The following PPP1R1C variants were observed in gnomAD, a reference collection of about 807,000 sequenced individuals.
PPP1R1C encodes protein phosphatase 1 regulatory inhibitor subunit 1C, also known as protein phosphatase 1 regulatory subunit 1C.
In PPP1R1C, 15 loss-of-function variants were observed where a neutral mutation model predicts 17.4. That is an observed-to-expected ratio of 0.86 (90% CI 0.58 to 1.33). The LOEUF (loss-of-function observed/expected upper bound fraction) is 1.33, where lower values mean the gene tolerates loss of function less well. PPP1R1C is among the 40% of genes most tolerant of loss of function. The pLI, the probability that PPP1R1C is intolerant of heterozygous loss-of-function variation, is 0.00. For synonymous variants in PPP1R1C, 35 were observed against 43.1 expected (o/e 0.81, Z 0.73); for missense variants, 143 against 130.0 (o/e 1.10, Z -0.48).
rs1327310329 is a variant in PPP1R1C, at chr2:182,117,307, C to T, written c.*12C>T. On this transcript the variant is annotated 3_prime_UTR_variant, in exon 5 of 5. Coordinates refer to ENST00000682840, the MANE Select transcript of PPP1R1C (RefSeq NM_001080545.3). ...AGCGGGACCATTAATTACTGGTCTG[C>T]AGCAAGAAGGCTTCTTGGAAATAAC... 2 of 1,521,856 alleles carry T rather than the reference C, an allele frequency of 1.3e-6. No individual in the cohort carries two copies. Among genetic ancestry groups the T allele is most frequent in the Non-Finnish European group, 1.8e-6 (2 of 1,125,952 alleles). 94.3% of individuals were successfully genotyped at this position (1,521,856 alleles called of 1,614,324 possible). A position where few individuals can be genotyped will look rare whatever the true frequency, so the allele number is the denominator to read the frequency against.
chr2:182,100,307 T>C (rs1332981991), intron 4 of PPP1R1C, among the ~76,000 whole-genome samples: 3 of 151,790 alleles, frequency 2.0e-5, no homozygotes, highest in African/African-American at 7.3e-5. Flanking sequence ...GTCAAGAGAT[T>C]GAGACCATCC....
intron 4 of PPP1R1C, among the ~76,000 whole-genome samples, chr2:182,107,441 G>T (rs1462919372): frequency 2.6e-5 from 4 of 152,162 alleles, no homozygotes; most frequent in African/African-American, 7.2e-5. Flanking sequence ...TCCTGGAGAT[G>T]TCATGGATAT....
At chr2:181,955,557 A>C (rs1249412339) in intron 1 of PPP1R1C, among the ~76,000 whole-genome samples, 1 of 152,190 alleles carries the variant, frequency 6.6e-6, no homozygotes, top group Non-Finnish European at 1.5e-5. Flanking sequence ...TCTATTTTAG[A>C]GTGTTTTCTA....
intron 4 of PPP1R1C, among the ~76,000 whole-genome samples, chr2:182,093,691 A>G (rs987422478): frequency 4.6e-5 from 7 of 152,160 alleles, no homozygotes; most frequent in African/African-American, 1.7e-4. Flanking sequence ...AAGTTCCACA[A>G]ATCTTTGGCA....
At chr2:182,077,042 T>C (rs1688334254) in intron 4 of PPP1R1C, among the ~76,000 whole-genome samples, 1 of 152,234 alleles carries the variant, frequency 6.6e-6, no homozygotes, top group Non-Finnish European at 1.5e-5. Context: ...TACTTGGGCA[T>C]ACAAATGTGT....
At chr2:182,113,785 G>C (rs1355814214) in intron 4 of PPP1R1C, among the ~76,000 whole-genome samples, 1 of 151,498 alleles carries the variant, frequency 6.6e-6, no homozygotes, top group Non-Finnish European at 1.5e-5. Flanking sequence ...TGCCATTCAT[G>C]TCATCTTTTC....
In PPP1R1C at chr2:181,985,974, G is replaced by C. The variant is rs947258835; in HGVS notation, c.-137G>C. 2.8e-6 allele frequency: 2 copies of C among 702,718 alleles called. No homozygotes were observed. Among genetic ancestry groups the C allele is most frequent in the Non-Finnish European group, 5.0e-6 (2 of 398,084 alleles). 43.5% of individuals were successfully genotyped at this position (702,718 alleles called of 1,614,324 possible). A position where few individuals can be genotyped will look rare whatever the true frequency, so the allele number is the denominator to read the frequency against. On this transcript the variant is annotated 5_prime_UTR_variant, in exon 1 of 5. Coordinates refer to ENST00000682840, the MANE Select transcript of PPP1R1C (RefSeq NM_001080545.3). This position sits in a 1 kb window ranked among gnomAD's most constrained non-coding sequence, Gnocchi z 4.1. Reference sequence around the variant, plus strand: ...CAAACCTCGGCATCTTCACTTGCTCGATCTGGAATTACAGCTATTTATTAC... The same window carrying C: ...CAAACCTCGGCATCTTCACTTGCTCCATCTGGAATTACAGCTATTTATTAC...
intron 4 of PPP1R1C, among the ~76,000 whole-genome samples, chr2:182,098,805 T>C (rs1689017965): frequency 6.6e-6 from 1 of 152,178 alleles, no homozygotes; most frequent in Non-Finnish European, 1.5e-5. Context: ...AAGTAAGCCC[T>C]ACAAATAGAA....
Position 181,967,278 on chromosome 2 carries a change from G to T in PPP1R1C, n.112-7941G>T, listed in dbSNP as rs1014111863. On this transcript the variant is annotated intron_variant and non_coding_transcript_variant, in intron 1 of 5. Coordinates refer to the PPP1R1C transcript ENST00000464264. The surrounding 1 kb of genome is among the most constrained non-coding windows in gnomAD (Gnocchi z 5.5). ...TCCCTTTATTAATCTCATATTTTTT[G>T]GTTTCAATTTCATTTATTTCTGCTC... Among the ~76,000 whole-genome samples, 1 of 151,332 alleles carries T rather than the reference G, an allele frequency of 6.6e-6. No homozygotes were observed. Among genetic ancestry groups the T allele is most frequent in the African/African-American group, 2.4e-5 (1 of 41,208 alleles).
At chr2:181,994,661 G>C (rs1685564931) in intron 2 of PPP1R1C, among the ~76,000 whole-genome samples, 1 of 152,098 alleles carries the variant, frequency 6.6e-6, no homozygotes, top group Non-Finnish European at 1.5e-5. Flanking sequence ...TCTTAAAGCT[G>C]TTTATTGGTT....
At chr2:182,033,355 C>T (rs527284072) in intron 2 of PPP1R1C, among the ~76,000 whole-genome samples, 1 of 152,302 alleles carries the variant, frequency 6.6e-6, no homozygotes, top group Admixed American at 6.5e-5. Context: ...AAATCAGTGT[C>T]TTGAGCCAAA....
At chr2:182,081,713 C>G (rs527562264) in intron 4 of PPP1R1C, among the ~76,000 whole-genome samples, 1 of 152,194 alleles carries the variant, frequency 6.6e-6, no homozygotes, top group South Asian at 2.1e-4. Context: ...ATAATAAAAA[C>G]TCCTGCACTT....
intron 2 of PPP1R1C, among the ~76,000 whole-genome samples, chr2:182,012,648 G>A (rs563898827): frequency 2.2e-4 from 33 of 152,016 alleles, no homozygotes; most frequent in Non-Finnish European, 3.8e-4. Context: ...TGGCCATTTC[G>A]TTATTTGTTT....
chr2:182,018,216 C>A (rs1686315680), intron 2 of PPP1R1C, among the ~76,000 whole-genome samples: 1 of 152,108 alleles, frequency 6.6e-6, no homozygotes, highest in Non-Finnish European at 1.5e-5. Flanking sequence ...ATTCCTAAGT[C>A]TAGTTTCTAT....
At chr2:182,028,597 T>C (rs1273714230) in intron 2 of PPP1R1C, among the ~76,000 whole-genome samples, 2 of 152,170 alleles carry the variant, frequency 1.3e-5, no homozygotes, top group Admixed American at 6.5e-5. Flanking sequence ...TAATCTCTGT[T>C]CTTTTACATT....
chr2:182,103,149 G>A (rs1689148230), intron 4 of PPP1R1C, among the ~76,000 whole-genome samples: 1 of 152,182 alleles, frequency 6.6e-6, no homozygotes, highest in East Asian at 1.9e-4. Flanking sequence ...AAAAGTTGGG[G>A]GGAGGTTCTG....
rs184676460 is a variant in PPP1R1C at position 182,009,552 on chromosome 2, A to G, written c.142+21653A>G. Among the ~76,000 whole-genome samples, 7 of 152,088 alleles carry G rather than the reference A, an allele frequency of 4.6e-5. No homozygotes were observed. The East Asian group carries it at 1.4e-3, about 30-fold the overall frequency. On this transcript the variant is annotated intron_variant, in intron 2 of 4. Coordinates refer to ENST00000682840, the MANE Select transcript of PPP1R1C (RefSeq NM_001080545.3). Reference sequence around the variant, plus strand: ...TCCCTTTGTCATATGAGTAGTTTTGAATATTTTCTCCCATTCGGTGGGGGT... The same window carrying G: ...TCCCTTTGTCATATGAGTAGTTTTGGATATTTTCTCCCATTCGGTGGGGGT...
upstream of PPP1R1C, among the ~76,000 whole-genome samples, chr2:181,982,019 G>A (rs538526518): frequency 3.9e-5 from 6 of 152,116 alleles, no homozygotes; most frequent in Non-Finnish European, 7.4e-5. Flanking sequence ...ACAAAGTCAC[G>A]TCTCATATAT....
At chr2:182,084,355 G>C (rs1290638729) in intron 4 of PPP1R1C, among the ~76,000 whole-genome samples, 3 of 151,934 alleles carry the variant, frequency 2.0e-5, no homozygotes, top group Admixed American at 2.0e-4. Context: ...CCAATGTCCA[G>C]AAGAGTTTTT....
Sources: gnomAD v4.1 joint callset for allele counts (sites outside exome capture counted in the v4.1 genomes callset) on GRCh38, gnomAD v4.1.1 for gene constraint, Gnocchi (gnomAD v3.1) non-coding constraint, MANE v1.5 for transcripts, NCBI Gene and HGNC (gene_info 2026-07-23, HGNC 2026-07-21) for gene names.